The following DNAH14 variants were observed in gnomAD, a reference collection of about 807,000 sequenced individuals.
DNAH14 encodes the protein axonemal beta dynein heavy chain 14.
A neutral mutation model predicts 520.9 loss-of-function variants in DNAH14; 478 were observed. The observed-to-expected ratio is 0.92, with a 90% CI of 0.85 to 0.99. The LOEUF (loss-of-function observed/expected upper bound fraction) is 0.99, where lower values mean the gene tolerates loss of function less well. Among genes scored for constraint, DNAH14 ranks in the 50% least tolerant of loss-of-function variants. The probability of loss-of-function intolerance (pLI) is 0.00; values close to 1 mark genes in which losing one functional copy is unlikely to be tolerated. For synonymous variants in DNAH14, 1,581 were observed against 1,757.2 expected, an observed-to-expected ratio of 0.90 and a Z score of 2.51; for missense variants, 4,831 against 5,234.5, an observed-to-expected ratio of 0.92 and a Z score of 2.38.
intron 1 of DNAH14, among the ~76,000 whole-genome samples, chr1:224,943,804 T>A (rs2059597750): frequency 6.6e-6 from 1 of 152,160 alleles, no homozygotes; most frequent in Non-Finnish European, 1.5e-5. Flanking sequence ...GTTGAGCGGT[T>A]TTGAGTGAGT....
chr1:225,204,623 A>G (rs1206322000), intron 39 of DNAH14, among the ~76,000 whole-genome samples: 2 of 152,204 alleles, frequency 1.3e-5, no homozygotes, highest in Non-Finnish European at 1.5e-5. Flanking sequence ...ACTCCAAACA[A>G]TTTGTACATT....
intron 23 of DNAH14, among the ~76,000 whole-genome samples, chr1:225,108,339 T>A (rs945213559): frequency 1.3e-5 from 2 of 152,152 alleles, no homozygotes; most frequent in African/African-American, 2.4e-5. Context: ...GCTTCCTTGC[T>A]CCTCAGCTTG....
intron 36 of DNAH14, among the ~76,000 whole-genome samples, chr1:225,182,267 G>A (rs2084126610): frequency 6.6e-6 from 1 of 152,060 alleles, no homozygotes; most frequent in South Asian, 2.1e-4. Context: ...ATATATGATA[G>A]AAGTAGCAAA....
At position 225,051,535 on chromosome 1, in the gene DNAH14, A is replaced by T; in HGVS notation, c.2164A>T (p.Thr722Ser). 6.4e-7 allele frequency: 1 copy of T among 1,551,136 alleles called. No individual in the cohort carries two copies. Among genetic ancestry groups the T allele is most frequent in the African/African-American group, 1.4e-5 (1 of 73,164 alleles). ...CAAGTTTATAAAGTATTGTACCATG[A>T]CAGAAAAGGCCAAAATCATGAGTAT... is the stretch of plus-strand genomic sequence containing the variant. ...SHKFIKYCTMTEKAKIMSMKI... is the reference protein window; with the variant it reads ...SHKFIKYCTMSEKAKIMSMKI... The change falls in exon 17 of 86, where the codon ACA becomes TCA. Residue 722 changes from threonine to serine, a missense_variant. Transcript: ENST00000682510.
At chr1:225,265,104 C>T in intron 47 of DNAH14, 78 bp from the exon 48 acceptor site, 1 of 980,400 alleles carries the variant, frequency 1.0e-6, no homozygotes, top group Non-Finnish European at 1.4e-6. Flanking sequence ...TTTCAAATTT[C>T]ATGACACATT....
In DNAH14 at chr1:225,265,243, T is replaced by C. The variant is rs2093069145; in HGVS notation, c.7284T>C (p.His2428=). The C allele has an allele frequency of 6.5e-7, 1 of 1,531,694 alleles. No individual in the cohort carries two copies. The highest frequency in any genetic ancestry group is 8.8e-7 in the Non-Finnish European group (1 of 1,140,744). 94.9% of individuals were successfully genotyped at this position (1,531,694 alleles called of 1,614,324 possible). A position where few individuals can be genotyped will look rare whatever the true frequency, so the allele number is the denominator to read the frequency against. The change falls in exon 48 of 86, where the codon CAT becomes CAC. Residue 2428 remains histidine (H), a synonymous_variant. Transcript: ENST00000682510. ...AAAAGTTACTTAAAAATAATGATCA[T>C]AAAGGAGTTGTAGTCTCTACAATAA... ...TNKKLLKNND[H]KGVVVSTINF...
intron 38 of DNAH14, among the ~76,000 whole-genome samples, chr1:225,194,243 A>G (rs1003513983): frequency 1.3e-5 from 2 of 152,116 alleles, no homozygotes; most frequent in Non-Finnish European, 2.9e-5. Context: ...AGCTGAAGGC[A>G]TCATGTTACC....
rs191708776 is a variant in DNAH14 at position 225,041,623 on chromosome 1, A to G, written c.1489-1212A>G. On this transcript the variant is annotated intron_variant, in intron 12 of 85. Coordinates refer to ENST00000682510, the MANE Select transcript of DNAH14 (RefSeq NM_001367479.1). ...TTTTTTTGTATGTGCAATGAGAGTA[A>G]TAATTTCTGTCTCTTGGGGTTTTTA... Among the ~76,000 whole-genome samples, 257 of 152,302 alleles carry G rather than the reference A, an allele frequency of 1.7e-3. 1 individual carries two copies. The highest frequency in any genetic ancestry group is 2.6e-3 in the Non-Finnish European group (179 of 68,020).
At chr1:225,138,167 G>A (rs2079123470) in intron 27 of DNAH14, among the ~76,000 whole-genome samples, 2 of 152,102 alleles carry the variant, frequency 1.3e-5, no homozygotes, top group Admixed American at 6.5e-5. Context: ...CCTGCCCAGT[G>A]AGAAGTAGTA....
chr1:225,259,578 A>G (rs1453132993), intron 46 of DNAH14, among the ~76,000 whole-genome samples: 1 of 152,218 alleles, frequency 6.6e-6, no homozygotes, highest in Non-Finnish European at 1.5e-5. Context: ...GAGAACAATT[A>G]AAATCTATTT....
chr1:224,945,223 C>T (rs1335777988), intron 1 of DNAH14, among the ~76,000 whole-genome samples: 1 of 152,030 alleles, frequency 6.6e-6, no homozygotes, highest in Non-Finnish European at 1.5e-5. Context: ...AACTTCTCTT[C>T]TCGCTTCATT....
chr1:225,128,163 T>C (rs575823328), intron 27 of DNAH14, among the ~76,000 whole-genome samples: 389 of 152,276 alleles, frequency 2.6e-3, no homozygotes, highest in African/African-American at 8.8e-3. Flanking sequence ...ATTTCAACTT[T>C]GGTGAATCTG....
intron 72 of DNAH14, among the ~76,000 whole-genome samples, chr1:225,353,567 C>T (rs1033154561): frequency 1.3e-5 from 2 of 152,106 alleles, no homozygotes; most frequent in Non-Finnish European, 2.9e-5. Context: ...TCATTCACCA[C>T]TTCAGTTGGT....
At chr1:225,372,829 G>A (rs894238892) in intron 77 of DNAH14, among the ~76,000 whole-genome samples, 4 of 152,054 alleles carry the variant, frequency 2.6e-5, no homozygotes, top group African/African-American at 9.7e-5. Flanking sequence ...CATACAAAGA[G>A]CTCTTATCTA....
rs200968726 is a variant in DNAH14, at chr1:225,270,806, A to G, written c.7611A>G (p.Lys2537=). ...VVNDISPRLL[K]HFSMLVLPHP... is the part of the protein sequence containing the mutation. ...ATGATATCAGCCCACGTCTTCTCAA[A>G]CACTTTTCCATGCTGGTATTACCTC... is the stretch of plus-strand genomic sequence containing the variant. Residue 2537 remains lysine (K), a synonymous_variant, in exon 50 of 86, where the codon AAA becomes AAG. Coordinates refer to ENST00000682510, the MANE Select transcript of DNAH14 (RefSeq NM_001367479.1). The G allele has an allele frequency of 4.1e-4, 639 of 1,550,832 alleles. 5 individuals carry two copies. The Middle Eastern group carries it at 6.5e-3, about 16-fold the overall frequency.
intron 71 of DNAH14, among the ~76,000 whole-genome samples, chr1:225,348,406 AG>A (rs1215099364): frequency 1.3e-5 from 2 of 152,200 alleles, no homozygotes; most frequent in Admixed American, 1.3e-4. Context: ...AAATCCAAAA[AG>A]AAACACACCA....
chr1:225,212,957 G>T (rs1377390509), intron 41 of DNAH14, among the ~76,000 whole-genome samples: 1 of 152,006 alleles, frequency 6.6e-6, no homozygotes, highest in African/African-American at 2.4e-5. Context: ...CATTACTTTT[G>T]GTGTTTTAGT....
Position 225,346,627 on chromosome 1 carries a change from A to C in DNAH14, c.11269A>C (p.Ser3757Arg). The change falls in exon 71 of 86, where the codon AGT becomes CGT. Residue 3757 changes from serine (S) to arginine (R), a missense_variant. Transcript: ENST00000682510. The stretch of plus-strand genomic sequence containing the variant: ...TTCTGGCATATTGATAAATATTAAA[A>C]GTGCATTATCCCAGTCTAGACTTAC... ...LYSGILINIK[S>R]ALSQSRLTST... 6.5e-7 allele frequency: 1 copy of C among 1,548,836 alleles called. No individual in the cohort carries two copies. Among genetic ancestry groups the C allele is most frequent in the Non-Finnish European group, 8.7e-7 (1 of 1,145,428 alleles).
chr1:225,154,808 CA>C (rs542800676), intron 34 of DNAH14, among the ~76,000 whole-genome samples: 7 of 147,508 alleles, frequency 4.7e-5, no homozygotes, highest in Non-Finnish European at 9.0e-5. Context: ...CTAGAAGCCA[CA>C]AAAAAAAAGA....
Sources: allele counts gnomAD v4.1 joint callset (sites outside exome capture counted in the v4.1 genomes callset), GRCh38; gene constraint gnomAD v4.1.1; transcripts MANE v1.5; gene names NCBI Gene and HGNC (gene_info 2026-07-23, HGNC 2026-07-21).